Variants in JAZF1 observed in about 807,000 individuals in gnomAD.
JAZF1 encodes JAZF zinc finger 1.
A neutral mutation model predicts 26.4 loss-of-function variants in JAZF1; 8 were observed. The ratio of observed to expected loss-of-function variants is 0.30; its 90% CI spans 0.18 to 0.55. The LOEUF (loss-of-function observed/expected upper bound fraction) is 0.55, where lower values mean the gene tolerates loss of function less well. Ranked by LOEUF, JAZF1 falls within the 20% of genes least tolerant of loss-of-function variation. JAZF1 has a pLI of 0.94. For missense variants in JAZF1, 199 were observed against 322.0 expected (o/e 0.62, Z 2.92); for synonymous variants, 126 against 122.3 (o/e 1.03, Z -0.20).
chr7:28,166,722 A>C (rs1287341489), intron 1 of JAZF1, among the ~76,000 whole-genome samples: 1 of 152,216 alleles, frequency 6.6e-6, no homozygotes, highest in East Asian at 1.9e-4. Context: ...CAAAAACTTA[A>C]ATCTGGATAA....
intron 2 of JAZF1, among the ~76,000 whole-genome samples, chr7:27,980,598 C>T (rs73683923): frequency 0.083 from 12,533 of 151,736 alleles, 611 homozygotes; most frequent in African/African-American, 0.14. Context: ...TTTGAGATGC[C>T]CAAATGTCTA....
At chr7:28,041,004 A>G (rs1020325516) in intron 1 of JAZF1, among the ~76,000 whole-genome samples, 2 of 152,204 alleles carry the variant, frequency 1.3e-5, no homozygotes, top group Non-Finnish European at 1.5e-5. Flanking sequence ...GATTATTTCT[A>G]TTACATAGAT....
chr7:28,126,837 A>G (rs561383128), intron 1 of JAZF1, among the ~76,000 whole-genome samples: 1 of 152,292 alleles, frequency 6.6e-6, no homozygotes, highest in Admixed American at 6.5e-5. Context: ...GGAAGAGAAG[A>G]GTGAGTCCAC....
At chr7:28,040,712 T>G (rs1056041286) in intron 1 of JAZF1, among the ~76,000 whole-genome samples, 9 of 152,192 alleles carry the variant, frequency 5.9e-5, no homozygotes, top group Admixed American at 3.3e-4. Context: ...AGATACCCAC[T>G]TAAAAGAATG....
At chr7:28,066,246 T>C (rs1783880349) in intron 1 of JAZF1, among the ~76,000 whole-genome samples, 1 of 152,128 alleles carries the variant, frequency 6.6e-6, no homozygotes, top group Non-Finnish European at 1.5e-5. Flanking sequence ...CTGGATGCTT[T>C]GTTAAAAGAA....
At chr7:27,909,100 G>A (rs1458714342) in intron 2 of JAZF1, among the ~76,000 whole-genome samples, 1 of 151,746 alleles carries the variant, frequency 6.6e-6, no homozygotes, top group Non-Finnish European at 1.5e-5. Flanking sequence ...GCCTCGACCT[G>A]CTGGGCTCAA....
At chr7:27,908,980 AG>A (rs1583458811) in intron 2 of JAZF1, among the ~76,000 whole-genome samples, 1 of 149,318 alleles carries the variant, frequency 6.7e-6, no homozygotes, top group Non-Finnish European at 1.5e-5. Context: ...TAGGTTATTC[AG>A]GTAAGTACAC....
intron 1 of JAZF1, among the ~76,000 whole-genome samples, chr7:28,166,948 T>A (rs1354725030): frequency 6.6e-6 from 1 of 152,166 alleles, no homozygotes; most frequent in Non-Finnish European, 1.5e-5. Context: ...TTTTCTCCCA[T>A]CATATTATGG....
Position 27,880,831 on chromosome 7 carries a change from A to G in JAZF1, c.385+14389T>C, listed in dbSNP as rs559868398. On this transcript the variant is annotated intron_variant, in intron 3 of 4. Transcript: ENST00000283928. Reference sequence around the variant, plus strand: ...AGGCACATGCCACTGCACCTGGCTAATTTAAAAACAGTTATTTGCAGAGAC... The same window carrying G: ...AGGCACATGCCACTGCACCTGGCTAGTTTAAAAACAGTTATTTGCAGAGAC... Among the ~76,000 whole-genome samples, 25 of 152,138 alleles carry G rather than the reference A, an allele frequency of 1.6e-4. 1 individual carries two copies. The South Asian group carries it at 5.2e-3, about 32-fold the overall frequency.
At chr7:27,956,936 G>C (rs1460388313) in intron 2 of JAZF1, among the ~76,000 whole-genome samples, 2 of 152,206 alleles carry the variant, frequency 1.3e-5, no homozygotes, top group Non-Finnish European at 2.9e-5. Context: ...CTGAGGCAAG[G>C]CTGCACACGA....
intron 1 of JAZF1, among the ~76,000 whole-genome samples, chr7:28,166,291 C>G (rs991622671): frequency 6.6e-6 from 1 of 152,180 alleles, no homozygotes; most frequent in Non-Finnish European, 1.5e-5. Flanking sequence ...ATATTCTCTG[C>G]AATAAGTAAA....
chr7:27,908,456 A>G (rs1784301485), intron 2 of JAZF1, among the ~76,000 whole-genome samples: 1 of 152,150 alleles, frequency 6.6e-6, no homozygotes, highest in South Asian at 2.1e-4. Context: ...TTTTTTTCAA[A>G]GTGATTTTTT....
At chr7:28,080,174 T>A (rs1455149034) in intron 1 of JAZF1, among the ~76,000 whole-genome samples, 1 of 152,246 alleles carries the variant, frequency 6.6e-6, no homozygotes, top group East Asian at 1.9e-4. Flanking sequence ...CTTACGGAGA[T>A]GGCTTAGTTT....
chr7:28,116,508 G>A (rs1212547250), intron 1 of JAZF1, among the ~76,000 whole-genome samples: 3 of 151,966 alleles, frequency 2.0e-5, no homozygotes, highest in Non-Finnish European at 4.4e-5. Context: ...GCAATGGTGC[G>A]ATCTTGGCTC....
rs75093489 is a variant in JAZF1, at chr7:28,161,465, C to T, written c.115+18998G>A. Reference sequence around the variant, plus strand: ...AGGTCACAGAGAACTCCAGTTTCAACTACTGGCCCTCTTGCACTCTACGTT... The same window carrying T: ...AGGTCACAGAGAACTCCAGTTTCAATTACTGGCCCTCTTGCACTCTACGTT... On this transcript the variant is annotated intron_variant, in intron 1 of 4. Coordinates refer to ENST00000283928, the MANE Select transcript of JAZF1 (RefSeq NM_175061.4). Among the ~76,000 whole-genome samples, 163 of 152,262 alleles carry T rather than the reference C, an allele frequency of 1.1e-3. 3 individuals carry two copies. In the East Asian group the frequency reaches 0.022, roughly 21 times the overall value.
chr7:27,928,681 G>T (rs930059097), intron 2 of JAZF1, among the ~76,000 whole-genome samples: 2 of 152,120 alleles, frequency 1.3e-5, no homozygotes, highest in Non-Finnish European at 2.9e-5. Flanking sequence ...GCAAAGTAAC[G>T]CATGAACATA....
intron 1 of JAZF1, among the ~76,000 whole-genome samples, chr7:28,167,736 T>C (rs569775399): frequency 3.7e-4 from 57 of 152,348 alleles, no homozygotes; most frequent in Non-Finnish European, 6.9e-4. Flanking sequence ...GATAATAATC[T>C]TAATACACTT....
intron 1 of JAZF1, among the ~76,000 whole-genome samples, chr7:28,119,677 C>T (rs1784806089): frequency 1.3e-5 from 2 of 152,276 alleles, no homozygotes; most frequent in South Asian, 2.1e-4. Context: ...AAAAACCTTC[C>T]ATGCTTCCCC....
Position 27,859,137 on chromosome 7 carries a change from T to C in JAZF1, c.386-18270A>G, listed in dbSNP as rs543554074. 2.6e-5 allele frequency among the ~76,000 whole-genome samples: 4 copies of C among 152,330 alleles called. No individual in the cohort carries two copies. The East Asian group carries it at 7.7e-4, about 29-fold the overall frequency. On this transcript the variant is annotated intron_variant, in intron 3 of 4. Transcript: ENST00000283928. ...CATATGAAAAAAAGCTCATCATCAC[T>C]GATCATTAGAGAAATGTAAATCAAA...
Sources: allele counts gnomAD v4.1 joint callset (sites outside exome capture counted in the v4.1 genomes callset), GRCh38; gene constraint gnomAD v4.1.1; transcripts MANE v1.5; gene names NCBI Gene and HGNC (gene_info 2026-07-23, HGNC 2026-07-21).